Variants in TAPT1 observed in about 807,000 individuals in gnomAD.
TAPT1 encodes transmembrane anterior posterior transformation protein 1 homolog.
A neutral mutation model predicts 65.6 loss-of-function variants in TAPT1; 28 were observed. The ratio of observed to expected loss-of-function variants is 0.43; its 90% CI spans 0.32 to 0.59. The LOEUF (loss-of-function observed/expected upper bound fraction) is 0.59, where lower values mean the gene tolerates loss of function less well. TAPT1 is among the 20% of genes least tolerant of loss of function. The probability of loss-of-function intolerance (pLI) is 0.09; values close to 1 mark genes in which losing one functional copy is unlikely to be tolerated. For synonymous variants in TAPT1, 278 were observed against 245.2 expected, an observed-to-expected ratio of 1.13 and a Z score of -1.25; for missense variants, 563 against 679.9, an observed-to-expected ratio of 0.83 and a Z score of 1.91.
chr4:16,198,759 G>GCTATCAGAAGGCAAAA (rs1320363425), intron 3 of TAPT1, among the ~76,000 whole-genome samples: 2 of 152,156 alleles, frequency 1.3e-5, no homozygotes, highest in African/African-American at 4.8e-5. Context: ...AGGAATAAAA[G>GCTATCAGAAGGCAAAA]CTATCAGAAG....
At chr4:16,174,627 A>G (rs1748211630) in intron 10 of TAPT1, 43 bp downstream of exon 10, 1 of 1,498,272 alleles carries the variant, frequency 6.7e-7, no homozygotes, top group African/African-American at 1.4e-5. Flanking sequence ...ATTTCAGACT[A>G]TGCCTTTGTT....
intron 7 of TAPT1, among the ~76,000 whole-genome samples, chr4:16,184,567 T>C (rs1200886747): frequency 1.3e-5 from 2 of 152,202 alleles, no homozygotes; most frequent in Non-Finnish European, 2.9e-5. Context: ...ACAGCAGTTG[T>C]AATACTTTAC....
At chr4:16,188,406 T>C (rs1258958681) in intron 4 of TAPT1, 51 bp from the exon 5 acceptor site, 1 of 1,381,342 alleles carries the variant, frequency 7.2e-7, no homozygotes, top group African/African-American at 1.5e-5. Context: ...CATTTAAATA[T>C]ATAACTAAAA....
rs1747207326 is a variant in TAPT1, at chr4:16,160,717, A to G, written c.*2591T>C. 1 of 152,348 alleles carries G rather than the reference A, an allele frequency of 6.6e-6. No individual in the cohort carries two copies. The highest frequency in any genetic ancestry group is 1.5e-5 in the Non-Finnish European group (1 of 68,046). The allele number at this position is 152,348 out of a possible 1,614,324, so 9.4% of individuals were successfully genotyped here. ...ATTAACAAATCTTTGTTGATAAAAA[A>G]TAGTTGAAAACATGTAACAATGTAG... On this transcript the variant is annotated 3_prime_UTR_variant, in exon 14 of 14. Transcript: ENST00000405303.
chr4:16,220,436 T>C (rs1372101303), intron 1 of TAPT1, among the ~76,000 whole-genome samples: 1 of 152,234 alleles, frequency 6.6e-6, no homozygotes, highest in Non-Finnish European at 1.5e-5. Flanking sequence ...TGTCAATTAA[T>C]CTTAGTTCAT....
chr4:16,223,151 A>C (rs1751351614), intron 1 of TAPT1, among the ~76,000 whole-genome samples: 1 of 152,336 alleles, frequency 6.6e-6, no homozygotes, highest in African/African-American at 2.4e-5. Flanking sequence ...CAGTCTAAGC[A>C]AGCACAGAGT....
At chr4:16,170,355 G>A (rs1333484838) in intron 12 of TAPT1, among the ~76,000 whole-genome samples, 1 of 152,236 alleles carries the variant, frequency 6.6e-6, no homozygotes, top group African/African-American at 2.4e-5. Flanking sequence ...AAACATGTCT[G>A]CAATGGCAGT....
chr4:16,183,033 A>G (rs1415857324), intron 7 of TAPT1: 1 of 152,248 alleles, frequency 6.6e-6, no homozygotes, highest in East Asian at 1.9e-4. Context: ...AAAATAGCCG[A>G]TATGAGTATC....
upstream of TAPT1, chr4:16,227,094 C>A (rs1751632371): frequency 2.2e-6 from 1 of 455,106 alleles, no homozygotes; most frequent in Non-Finnish European, 4.4e-6. Flanking sequence ...TTATGCTTGC[C>A]TGTTACATTC....
At chr4:16,193,031 C>T (rs73798870) in intron 3 of TAPT1, among the ~76,000 whole-genome samples, 2,646 of 152,316 alleles carry the variant, frequency 0.017, 73 homozygotes, top group African/African-American at 0.06. Flanking sequence ...CAATGATGCT[C>T]TACCAATTCT....
rs556746814 is a variant in TAPT1, at chr4:16,197,447, C to G, written c.449+5015G>C. On this transcript the variant is annotated intron_variant, in intron 3 of 13. Coordinates refer to ENST00000405303, the MANE Select transcript of TAPT1 (RefSeq NM_153365.3). Reference sequence around the variant, plus strand: ...CATTTTTCTCTACAATCTTCTTTAACTTTTAACTTACGTGACTGAGAATTC... The same window carrying G: ...CATTTTTCTCTACAATCTTCTTTAAGTTTTAACTTACGTGACTGAGAATTC... Among the ~76,000 whole-genome samples the G allele has an allele frequency of 6.6e-5, 10 of 152,286 alleles. No individual in the cohort carries two copies. The South Asian group carries it at 2.1e-3, about 32-fold the overall frequency.
chr4:16,187,191 C>T (rs1469558745), intron 5 of TAPT1, among the ~76,000 whole-genome samples: 2 of 151,958 alleles, frequency 1.3e-5, no homozygotes, highest in Non-Finnish European at 2.9e-5. Context: ...AGGAAATAGG[C>T]CCTCAAAAAA....
At chr4:16,216,803 T>TG (rs1364635748) in intron 1 of TAPT1, among the ~76,000 whole-genome samples, 2 of 152,202 alleles carry the variant, frequency 1.3e-5, no homozygotes, top group Non-Finnish European at 2.9e-5. Context: ...CTCCCTTCAA[T>TG]GCTAACTCCA....
chr4:16,163,564 A>G, intron 13 of TAPT1, 27 bp from the exon 14 acceptor site: 2 of 1,527,224 alleles, frequency 1.3e-6, no homozygotes, highest in Non-Finnish European at 1.8e-6. Flanking sequence ...CCATTAAATT[A>G]GAGAAAGACT....
At chr4:16,226,501 C>T, upstream of TAPT1, 1 of 1,028,776 alleles carries the variant, frequency 9.7e-7, no homozygotes, top group South Asian at 4.5e-5. Context: ...CCTCCAGCCT[C>T]TGCCTCCGGC....
chr4:16,170,671 A>T lies in TAPT1; in HGVS notation c.1295T>A (p.Val432Asp). 6.2e-7 allele frequency: 1 copy of T among 1,613,364 alleles called. No homozygotes were observed. The highest frequency in any genetic ancestry group is 8.5e-7 in the Non-Finnish European group (1 of 1,179,358). The change falls in exon 12 of 14, where the codon GTC (valine) becomes GAC (aspartate). Residue 432 changes from valine (V) to aspartate (D), a missense_variant. Physicochemically the swap from Val to Asp is radical, Grantham distance 152 (BLOSUM62 -3). Coordinates refer to ENST00000405303, the MANE Select transcript of TAPT1 (RefSeq NM_153365.3). ...ATCTTACCCAAAATAGAAGAGTATG[A>T]CACAGGCATAAGACAGGATTCCTTG... ...KVQGILSYAC[V>D]ILFYFGLISL...
intron 13 of TAPT1, among the ~76,000 whole-genome samples, chr4:16,164,170 C>A (rs1201412512): frequency 1.3e-5 from 2 of 152,154 alleles, no homozygotes; most frequent in Non-Finnish European, 2.9e-5. Context: ...AAAAGACACA[C>A]CATCAGCTGT....
intron 1 of TAPT1, among the ~76,000 whole-genome samples, chr4:16,221,113 T>A (rs1050658238): frequency 2.3e-5 from 3 of 131,262 alleles, no homozygotes; most frequent in Non-Finnish European, 4.8e-5. Flanking sequence ...TACGTACATA[T>A]ATATATACTT....
intron 12 of TAPT1, among the ~76,000 whole-genome samples, chr4:16,169,357 A>C (rs1163610947): frequency 6.6e-6 from 1 of 152,258 alleles, no homozygotes. Context: ...TGTAAAAAAC[A>C]CTAGAATAAT....
Sources: gnomAD v4.1 joint callset for allele counts (sites outside exome capture counted in the v4.1 genomes callset) on GRCh38, gnomAD v4.1.1 for gene constraint, MANE v1.5 for transcripts, NCBI Gene and HGNC (gene_info 2026-07-23, HGNC 2026-07-21) for gene names.